The following SNURF variants were observed in gnomAD, a reference collection of about 807,000 sequenced individuals.
SNURF encodes the protein SNRPN upstream open reading frame, also known as SNURF protein.
A neutral mutation model predicts 11.6 loss-of-function variants in SNURF; 6 were observed. The ratio of observed to expected loss-of-function variants is 0.52; its 90% CI spans 0.28 to 1.02. The LOEUF is 1.02. Ranked by LOEUF, SNURF falls within the 50% of genes least tolerant of loss-of-function variation. The pLI is 0.09. For missense variants in SNURF, 84 were observed against 88.4 expected (o/e 0.95, Z 0.20); for synonymous variants, 29 against 31.6 (o/e 0.92, Z 0.27).
intron 1 of SNURF, among the ~76,000 whole-genome samples, chr15:24,956,935 G>A (rs962200390): frequency 4.0e-4 from 61 of 152,332 alleles, no homozygotes; most frequent in Admixed American, 3.8e-3. Context: ...CCCAAGACCT[G>A]CTGTGCTGTT....
chr15:24,978,528 C>T (rs1312872394), downstream of SNURF: 7 of 1,187,020 alleles, frequency 5.9e-6, no homozygotes, highest in Non-Finnish European at 8.8e-6. Flanking sequence ...CTTTTTGTTC[C>T]CTCATTCTGC....
chr15:24,969,232 G>A (rs755242304), downstream of SNURF, among the ~76,000 whole-genome samples: 5 of 152,096 alleles, frequency 3.3e-5, no homozygotes, highest in Non-Finnish European at 5.9e-5. Context: ...AGGTTCAACT[G>A]ATTTTCCTGC....
chr15:24,957,614 G>A (rs1045576506), intron 1 of SNURF, among the ~76,000 whole-genome samples: 6 of 152,128 alleles, frequency 3.9e-5, no homozygotes, highest in African/African-American at 1.4e-4. Context: ...GTTGCACTGA[G>A]TTGTAATTAA....
At chr15:24,976,300 T>C (rs1203775739) in intron 4 of SNURF, 2 of 1,612,096 alleles carry the variant, frequency 1.2e-6, no homozygotes, top group Non-Finnish European at 1.7e-6. Flanking sequence ...AATTCTGATT[T>C]GTAGGCCAAA....
At chr15:24,967,889 A>G in intron 2 of SNURF, 43 bp from the exon 3 acceptor site, 1 of 1,530,430 alleles carries the variant, frequency 6.5e-7, no homozygotes, top group Non-Finnish European at 9.1e-7. Context: ...CTATAAAGAC[A>G]AATGTATTTT....
At chr15:24,971,516 A>T (rs2153634765), downstream of SNURF, among the ~76,000 whole-genome samples, 1 of 151,886 alleles carries the variant, frequency 6.6e-6, no homozygotes, top group East Asian at 1.9e-4. Flanking sequence ...TCTTCTAGCT[A>T]TACAGGTTAT....
downstream of SNURF, among the ~76,000 whole-genome samples, chr15:24,970,328 C>T (rs1596304418): frequency 6.6e-6 from 1 of 152,190 alleles, no homozygotes. Flanking sequence ...GCCTGTCATC[C>T]TAGCACTTGG....
chr15:24,968,980 GTTTACTA>G (rs140782216), downstream of SNURF, among the ~76,000 whole-genome samples: 7,726 of 152,024 alleles, frequency 0.051, 213 homozygotes, highest in Non-Finnish European at 0.06. Context: ...ATTTCTGAGA[GTTTACTA>G]TTTACTTTTT....
chr15:24,974,565 C>T (rs2076844367), intron 3 of SNURF: 4 of 1,010,572 alleles, frequency 4.0e-6, no homozygotes, highest in Non-Finnish European at 6.3e-6. Flanking sequence ...AATAAGGATA[C>T]ATCCATGGAT....
In SNURF at chr15:24,957,737, C is replaced by T. The variant is rs1383193860; in HGVS notation, c.14+2675C>T. Among the ~76,000 whole-genome samples the T allele has an allele frequency of 1.3e-5, 2 of 151,836 alleles. 1 individual carries two copies. Among genetic ancestry groups the T allele is most frequent in the South Asian group, 4.2e-4 (2 of 4,814 alleles). On this transcript the variant is annotated intron_variant, in intron 1 of 2. Transcript: ENST00000577949. ...TTTTATATGATATTTATAATTTACC[C>T]TTTTTTTTCTGCTTGCATGAAGATA...
downstream of SNURF, chr15:24,977,904 A>T (rs369210394): frequency 6.4e-7 from 1 of 1,566,844 alleles, no homozygotes; most frequent in Non-Finnish European, 8.6e-7. Context: ...CGGCAGAGCA[A>T]CCCCACCTCC....
At chr15:24,977,870 A>G, downstream of SNURF, 1 of 1,610,038 alleles carries the variant, frequency 6.2e-7, no homozygotes, top group Non-Finnish European at 8.5e-7. Context: ...ACCCACCAGG[A>G]CGGGGCACTC....
At chr15:24,975,544 A>G in intron 4 of SNURF, 1 of 1,592,464 alleles carries the variant, frequency 6.3e-7, no homozygotes. Context: ...GGTTGGACAC[A>G]GAGGCAGTGG....
intron 2 of SNURF, among the ~76,000 whole-genome samples, chr15:24,963,888 C>G (rs963339650): frequency 6.6e-6 from 1 of 151,910 alleles, no homozygotes; most frequent in Non-Finnish European, 1.5e-5. Context: ...ATAAATTAGC[C>G]AGGCGTGGTG....
At chr15:24,957,313 G>C (rs555979338) in intron 1 of SNURF, among the ~76,000 whole-genome samples, 12 of 152,274 alleles carry the variant, frequency 7.9e-5, no homozygotes, top group Admixed American at 4.6e-4. Context: ...AAAGCTGCAA[G>C]TTTTGTGCTC....
intron 2 of SNURF, among the ~76,000 whole-genome samples, chr15:24,963,062 C>G (rs1393897340): frequency 1.3e-5 from 2 of 152,020 alleles, no homozygotes; most frequent in East Asian, 1.9e-4. Flanking sequence ...CAGACCTTGT[C>G]CTATGCATTG....
chr15:24,956,358 G>GGGGC (rs908618266), intron 1 of SNURF, among the ~76,000 whole-genome samples: 9 of 151,572 alleles, frequency 5.9e-5, no homozygotes, highest in Non-Finnish European at 1.0e-4. Context: ...CTTCAGCGGG[G>GGGGC]GGGTGGCCGC....
At chr15:24,970,147 T>TG (rs1566969264), downstream of SNURF, among the ~76,000 whole-genome samples, 1 of 152,192 alleles carries the variant, frequency 6.6e-6, no homozygotes, top group Admixed American at 6.5e-5. Context: ...ATGAATTTCT[T>TG]GGGGAAGGGA....
intron 6 of SNURF, chr15:24,977,138 G>A: frequency 1.2e-6 from 1 of 834,150 alleles, no homozygotes; most frequent in Non-Finnish European, 1.7e-6. Context: ...AACAGCATAT[G>A]GTTTAGGAGG....
Sources: allele counts gnomAD v4.1 joint callset (sites outside exome capture counted in the v4.1 genomes callset), GRCh38; gene constraint gnomAD v4.1.1; transcripts MANE v1.5; gene names NCBI Gene and HGNC (gene_info 2026-07-23, HGNC 2026-07-21).